The following ZNF804B variants were observed in gnomAD, a reference collection of about 807,000 sequenced individuals.
ZNF804B encodes the protein zinc finger protein 804B.
Under a neutral mutation model 101.4 loss-of-function variants are expected in ZNF804B, and 80 were observed. That is an observed-to-expected ratio of 0.79 (90% CI 0.66 to 0.95). ZNF804B has a LOEUF of 0.95. Ranked by LOEUF, ZNF804B falls within the 40% of genes least tolerant of loss-of-function variation. The pLI, the probability that ZNF804B is intolerant of heterozygous loss-of-function variation, is 0.00. For synonymous variants in ZNF804B, 622 were observed against 558.8 expected (o/e 1.11, Z -1.59); for missense variants, 1,673 against 1,561.9 (o/e 1.07, Z -1.20).
intron 1 of ZNF804B, among the ~76,000 whole-genome samples, chr7:88,881,195 T>G (rs1792024350): frequency 6.6e-6 from 1 of 152,098 alleles, no homozygotes; most frequent in African/African-American, 2.4e-5. Context: ...TGGATTGCAT[T>G]TAGAAAGAAT....
At chr7:89,120,748 T>A (rs958677121) in intron 1 of ZNF804B, among the ~76,000 whole-genome samples, 1 of 152,182 alleles carries the variant, frequency 6.6e-6, no homozygotes, top group Non-Finnish European at 1.5e-5. Flanking sequence ...TTTATTGTTT[T>A]TAATTTCCAT....
At chr7:89,086,409 A>G (rs776514351) in intron 1 of ZNF804B, among the ~76,000 whole-genome samples, 5 of 152,004 alleles carry the variant, frequency 3.3e-5, no homozygotes, top group African/African-American at 1.2e-4. Flanking sequence ...CTTTAATCAT[A>G]TCTCACTCCT....
chr7:89,252,212 A>G (rs961226074), intron 2 of ZNF804B, among the ~76,000 whole-genome samples: 1 of 152,196 alleles, frequency 6.6e-6, no homozygotes, highest in Non-Finnish European at 1.5e-5. Context: ...CTGAAAAAAC[A>G]TAAACAAATA....
At chr7:89,316,002 A>G (rs1272189580) in intron 2 of ZNF804B, among the ~76,000 whole-genome samples, 1 of 152,084 alleles carries the variant, frequency 6.6e-6, no homozygotes, top group East Asian at 1.9e-4. Flanking sequence ...CCTCTGTACA[A>G]TTGTGTGTGT....
intron 3 of ZNF804B, among the ~76,000 whole-genome samples, chr7:89,329,798 A>G (rs193144228): frequency 1.3e-5 from 2 of 151,746 alleles, no homozygotes; most frequent in African/African-American, 4.8e-5. Flanking sequence ...TTCTGAGACT[A>G]TGAATTTTTT....
chr7:88,939,070 G>A (rs544768683), intron 1 of ZNF804B, among the ~76,000 whole-genome samples: 6 of 152,066 alleles, frequency 3.9e-5, no homozygotes, highest in African/African-American at 1.4e-4. Context: ...GATAGAATGA[G>A]GAAGATTGAA....
intron 1 of ZNF804B, among the ~76,000 whole-genome samples, chr7:89,165,631 G>A (rs36096152): frequency 0.41 from 61,742 of 151,746 alleles, 13,141 homozygotes; most frequent in Non-Finnish European, 0.47. Flanking sequence ...CACACTGTAC[G>A]TAAAATTAAA....
rs555300327 is a variant in ZNF804B at position 89,223,234 on chromosome 7, T to G, written c.249+4939T>G. ...TTCTGTTGACCTTCCAAAAATATGC[T>G]CTTTTTGGTACACTTAGAAGTAAAT... On this transcript the variant is annotated intron_variant, in intron 2 of 3. Transcript: ENST00000333190. Among the ~76,000 whole-genome samples the G allele has an allele frequency of 1.1e-4, 16 of 152,026 alleles. No individual in the cohort carries two copies. The South Asian group carries it at 2.9e-3, about 28-fold the overall frequency.
chr7:88,841,104 A>G (rs79090946), intron 1 of ZNF804B, among the ~76,000 whole-genome samples: 9,892 of 152,262 alleles, frequency 0.065, 967 homozygotes, highest in African/African-American at 0.21. Flanking sequence ...CATTCCTTGT[A>G]TAGCACATAA....
chr7:89,234,684 C>T (rs1000959986), intron 2 of ZNF804B, among the ~76,000 whole-genome samples: 2 of 152,206 alleles, frequency 1.3e-5, no homozygotes, highest in African/African-American at 4.8e-5. Context: ...CCATTTCTCT[C>T]TCCCCATTCC....
chr7:89,026,257 C>T (rs931975580), intron 1 of ZNF804B, among the ~76,000 whole-genome samples: 3 of 152,008 alleles, frequency 2.0e-5, no homozygotes, highest in Admixed American at 6.6e-5. Context: ...GAGTAATGCT[C>T]AATAATTAGA....
intron 1 of ZNF804B, among the ~76,000 whole-genome samples, chr7:88,948,615 C>A (rs1240798785): frequency 6.6e-6 from 1 of 151,818 alleles, no homozygotes; most frequent in Non-Finnish European, 1.5e-5. Context: ...TCCTGCTGTC[C>A]ATCTGATAAG....
chr7:88,828,936 T>C (rs1045318921), intron 1 of ZNF804B, among the ~76,000 whole-genome samples: 16 of 152,122 alleles, frequency 1.1e-4, no homozygotes, highest in Non-Finnish European at 1.8e-4. Context: ...GCCTTAACTC[T>C]GTGTTCTTAA....
intron 1 of ZNF804B, among the ~76,000 whole-genome samples, chr7:88,845,959 A>G (rs1408478792): frequency 6.6e-6 from 1 of 152,232 alleles, no homozygotes. Flanking sequence ...AGGAAAGAAA[A>G]GGGGAGAAAG....
chr7:89,053,256 T>A (rs1409966019), intron 1 of ZNF804B, among the ~76,000 whole-genome samples: 1 of 152,154 alleles, frequency 6.6e-6, no homozygotes, highest in Non-Finnish European at 1.5e-5. Flanking sequence ...ACCTCCTTGT[T>A]GTATTTATAG....
intron 1 of ZNF804B, among the ~76,000 whole-genome samples, chr7:89,208,081 GGTT>G (rs1788742006): frequency 3.0e-5 from 4 of 135,420 alleles, no homozygotes; most frequent in Non-Finnish European, 6.4e-5. Flanking sequence ...TATTTTATTG[GGTT>G]TTTTTTTTTT....
At chr7:89,072,466 T>G (rs938828709) in intron 1 of ZNF804B, among the ~76,000 whole-genome samples, 20 of 152,174 alleles carry the variant, frequency 1.3e-4, no homozygotes, top group Admixed American at 6.5e-5. Context: ...GAATAACTCT[T>G]AAACATTTGG....
chr7:88,824,323 TTGTTG>T (rs1791025803), intron 1 of ZNF804B, among the ~76,000 whole-genome samples: 1 of 152,114 alleles, frequency 6.6e-6, no homozygotes, highest in Non-Finnish European at 1.5e-5. Context: ...TGTTCTTGTG[TTGTTG>T]ATGGTTACAT....
At chr7:88,971,523 C>T (rs1363329505) in intron 1 of ZNF804B, among the ~76,000 whole-genome samples, 1 of 151,474 alleles carries the variant, frequency 6.6e-6, no homozygotes, top group Non-Finnish European at 1.5e-5. Context: ...TTCCATTCAC[C>T]CTTCCAATTC....
Sources: gnomAD v4.1 joint callset for allele counts (sites outside exome capture counted in the v4.1 genomes callset) on GRCh38, gnomAD v4.1.1 for gene constraint, MANE v1.5 for transcripts, NCBI Gene and HGNC (gene_info 2026-07-23, HGNC 2026-07-21) for gene names.